The following ST6GALNAC3 variants were observed in gnomAD, a reference collection of about 807,000 sequenced individuals.
ST6GALNAC3 encodes the protein alpha-N-acetylgalactosaminide alpha-2,6-sialyltransferase 3.
A neutral mutation model predicts 32.7 loss-of-function variants in ST6GALNAC3; 25 were observed. The ratio of observed to expected loss-of-function variants is 0.76; its 90% CI spans 0.56 to 1.07. ST6GALNAC3 has a LOEUF of 1.07. ST6GALNAC3 is among the 50% of genes least tolerant of loss of function. The pLI, the probability that ST6GALNAC3 is intolerant of heterozygous loss-of-function variation, is 0.00. For missense variants in ST6GALNAC3, 355 were observed against 382.4 expected (o/e 0.93, Z 0.60); for synonymous variants, 129 against 133.1 (o/e 0.97, Z 0.21).
intron 1 of ST6GALNAC3, among the ~76,000 whole-genome samples, chr1:76,115,994 C>A (rs749368919): frequency 3.3e-5 from 5 of 152,090 alleles, no homozygotes; most frequent in Admixed American, 2.6e-4. Context: ...ATAGGCTCTG[C>A]TCTCATTAAG....
intron 1 of ST6GALNAC3, among the ~76,000 whole-genome samples, chr1:76,313,496 G>A (rs909223316): frequency 6.6e-6 from 1 of 152,058 alleles, no homozygotes; most frequent in African/African-American, 2.4e-5. Flanking sequence ...AAGGTTTCCT[G>A]TCATTGGAAA....
intron 2 of ST6GALNAC3, among the ~76,000 whole-genome samples, chr1:76,393,805 G>T (rs1009941327): frequency 6.6e-6 from 1 of 152,166 alleles, no homozygotes; most frequent in African/African-American, 2.4e-5. Flanking sequence ...AAGAAGTGTG[G>T]ATCCTGGTAA....
At chr1:76,492,293 A>AT (rs1660549385) in intron 3 of ST6GALNAC3, among the ~76,000 whole-genome samples, 1 of 152,166 alleles carries the variant, frequency 6.6e-6, no homozygotes, top group Non-Finnish European at 1.5e-5. Flanking sequence ...TATAACACAT[A>AT]TTTCATGGGA....
chr1:76,471,171 G>A (rs1210591504), intron 3 of ST6GALNAC3, among the ~76,000 whole-genome samples: 1 of 151,956 alleles, frequency 6.6e-6, no homozygotes, highest in Non-Finnish European at 1.5e-5. Flanking sequence ...ACATATCCTT[G>A]GATTTTCCTG....
intron 1 of ST6GALNAC3, among the ~76,000 whole-genome samples, chr1:76,112,319 C>T (rs1484689481): frequency 3.8e-5 from 5 of 131,994 alleles, no homozygotes; most frequent in African/African-American, 5.9e-5. Context: ...TAGGGGCGGC[C>T]GGGCAGAGGC....
intron 3 of ST6GALNAC3, among the ~76,000 whole-genome samples, chr1:76,609,871 T>G (rs1460019791): frequency 1.3e-5 from 2 of 152,156 alleles, no homozygotes; most frequent in Non-Finnish European, 1.5e-5. Context: ...TAGCTTTCCT[T>G]GTATTAAATC....
intron 3 of ST6GALNAC3, among the ~76,000 whole-genome samples, chr1:76,424,450 C>G (rs149707442): frequency 1.3e-5 from 2 of 151,848 alleles, no homozygotes; most frequent in East Asian, 3.9e-4. Context: ...TGCTGCCAAG[C>G]ACATTGTGGG....
At chr1:76,267,298 A>G (rs944087710) in intron 1 of ST6GALNAC3, among the ~76,000 whole-genome samples, 3 of 152,152 alleles carry the variant, frequency 2.0e-5, no homozygotes, top group African/African-American at 7.2e-5. Context: ...TCACTAATCT[A>G]CTTCACCTAT....
At chr1:76,179,598 C>T (rs182281360) in intron 1 of ST6GALNAC3, among the ~76,000 whole-genome samples, 13 of 152,260 alleles carry the variant, frequency 8.5e-5, no homozygotes, top group African/African-American at 2.9e-4. Flanking sequence ...CTCAGAACTC[C>T]TGTCTCTTAG....
At chr1:76,338,464 C>A (rs1441261832) in intron 2 of ST6GALNAC3, among the ~76,000 whole-genome samples, 2 of 152,164 alleles carry the variant, frequency 1.3e-5, no homozygotes, top group South Asian at 4.1e-4. Context: ...ACACTTGATC[C>A]TCCAGAAGCT....
In ST6GALNAC3 at chr1:76,627,534, G is replaced by A. The variant is rs758177875; in HGVS notation, c.706G>A (p.Gly236Arg). The A allele has an allele frequency of 9.9e-6, 16 of 1,612,228 alleles. No individual in the cohort carries two copies. The highest frequency in any genetic ancestry group is 3.3e-5 in the Admixed American group (2 of 59,914). Residue 236 changes from glycine (G) to arginine (R), a missense_variant, in exon 4 of 5, where the codon GGG becomes AGG. By Grantham distance (125) the Gly-to-Arg change is moderately radical. Coordinates refer to ENST00000328299, the MANE Select transcript of ST6GALNAC3 (RefSeq NM_152996.4). ...CGCCTGTTATGGCATTCACGTCTAC[G>A]GGATGATAAATGACACCTACTGCAA... ...MDACYGIHVY[G>R]MINDTYCKTE...
At chr1:76,510,864 C>T (rs1403759853) in intron 3 of ST6GALNAC3, among the ~76,000 whole-genome samples, 1 of 152,116 alleles carries the variant, frequency 6.6e-6, no homozygotes, top group Non-Finnish European at 1.5e-5. Context: ...AAATACTGTA[C>T]AGGAAGTGAA....
At chr1:76,250,585 G>T (rs1023198915) in intron 1 of ST6GALNAC3, among the ~76,000 whole-genome samples, 1 of 152,186 alleles carries the variant, frequency 6.6e-6, no homozygotes, top group Non-Finnish European at 1.5e-5. Flanking sequence ...AAGAACTATT[G>T]TCTGCAGTCT....
intron 2 of ST6GALNAC3, among the ~76,000 whole-genome samples, chr1:76,354,757 G>GT (rs1400512618): frequency 6.6e-6 from 1 of 152,164 alleles, no homozygotes; most frequent in Non-Finnish European, 1.5e-5. Flanking sequence ...AAGAGTGTTG[G>GT]TTTGGGGGGA....
intron 1 of ST6GALNAC3, among the ~76,000 whole-genome samples, chr1:76,190,906 G>A (rs1394269160): frequency 1.3e-5 from 2 of 152,192 alleles, no homozygotes; most frequent in African/African-American, 4.8e-5. Context: ...TGAAATTAGA[G>A]TATAGAAACT....
chr1:76,154,853 T>C (rs1651292105), intron 1 of ST6GALNAC3, among the ~76,000 whole-genome samples: 1 of 152,142 alleles, frequency 6.6e-6, no homozygotes, highest in Non-Finnish European at 1.5e-5. Flanking sequence ...CAGGGAGCGC[T>C]ACCATTTAAC....
chr1:76,393,357 G>A (rs773913472), intron 2 of ST6GALNAC3, among the ~76,000 whole-genome samples: 1 of 152,112 alleles, frequency 6.6e-6, no homozygotes, highest in Non-Finnish European at 1.5e-5. Context: ...TATTTCTGTG[G>A]GGCAGTGGGA....
chr1:76,228,306 A>C (rs1656185971), intron 1 of ST6GALNAC3, among the ~76,000 whole-genome samples: 1 of 152,192 alleles, frequency 6.6e-6, no homozygotes, highest in South Asian at 2.1e-4. Context: ...CTGCCACTAA[A>C]GTGTAGCTTT....
At chr1:76,523,401 A>G (rs1662674460) in intron 3 of ST6GALNAC3, among the ~76,000 whole-genome samples, 1 of 152,120 alleles carries the variant, frequency 6.6e-6, no homozygotes, top group Non-Finnish European at 1.5e-5. Flanking sequence ...CCATGCCCAA[A>G]AGGATTTTAA....
Sources: gnomAD v4.1 joint callset for allele counts (sites outside exome capture counted in the v4.1 genomes callset) on GRCh38, gnomAD v4.1.1 for gene constraint, MANE v1.5 for transcripts, NCBI Gene and HGNC (gene_info 2026-07-23, HGNC 2026-07-21) for gene names.